ZNF148: variants seen among roughly 807,000 people sequenced by gnomAD.
ZNF148 encodes the protein zinc finger protein 148.
A neutral mutation model predicts 67.7 loss-of-function variants in ZNF148; 7 were observed. The observed-to-expected ratio is 0.10, with a 90% CI of 0.06 to 0.19. The LOEUF (loss-of-function observed/expected upper bound fraction) is 0.19. ZNF148 is among the 10% of genes least tolerant of loss of function. The pLI, the probability that ZNF148 is intolerant of heterozygous loss-of-function variation, is 1.00. For missense variants in ZNF148, 583 were observed against 947.1 expected (o/e 0.62, Z 5.05); for synonymous variants, 333 against 330.7 (o/e 1.01, Z -0.08).
chr3:125,305,532 C>T (rs1478614968), intron 4 of ZNF148, among the ~76,000 whole-genome samples: 3 of 152,146 alleles, frequency 2.0e-5, no homozygotes, highest in Middle Eastern at 3.4e-3. Context: ...CAATTAGTGG[C>T]CGGGCGTTGT....
intron 1 of ZNF148, among the ~76,000 whole-genome samples, chr3:125,336,796 C>T (rs1294444220): frequency 2.0e-5 from 3 of 150,684 alleles, no homozygotes; most frequent in Admixed American, 1.3e-4. Context: ...CCTGCCTCAG[C>T]CTCCCACATA....
At chr3:125,250,669 T>C (rs1407203088) in intron 7 of ZNF148, among the ~76,000 whole-genome samples, 1 of 152,226 alleles carries the variant, frequency 6.6e-6, no homozygotes, top group Non-Finnish European at 1.5e-5. Context: ...ATGACAGCAG[T>C]TGGAATAAGT....
intron 7 of ZNF148, among the ~76,000 whole-genome samples, chr3:125,239,539 A>G (rs1258714348): frequency 6.6e-6 from 1 of 152,186 alleles, no homozygotes; most frequent in Non-Finnish European, 1.5e-5. Context: ...GCATGGATGT[A>G]GAGAATTGAA....
intron 4 of ZNF148, among the ~76,000 whole-genome samples, chr3:125,304,729 T>C (rs1455544584): frequency 6.6e-6 from 1 of 152,136 alleles, no homozygotes; most frequent in Non-Finnish European, 1.5e-5. Context: ...ATTATATACA[T>C]ACATACATTC....
At chr3:125,256,370 A>C (rs1445741306) in intron 7 of ZNF148, among the ~76,000 whole-genome samples, 12 of 8,730 alleles carry the variant, frequency 1.4e-3, no homozygotes, top group African/African-American at 6.7e-3. Flanking sequence ...TCCATTTCCC[A>C]AAAAAAAAAA....
chr3:125,368,864 G>C (rs1204772128), intron 1 of ZNF148, among the ~76,000 whole-genome samples: 1 of 151,956 alleles, frequency 6.6e-6, no homozygotes, highest in African/African-American at 2.4e-5. Context: ...AGAATCGCTT[G>C]AACCTGGGAG....
intron 1 of ZNF148, 112 bp from the exon 2 acceptor site, chr3:125,331,350 C>A (rs1056704084): frequency 2.5e-6 from 1 of 396,020 alleles, no homozygotes. Flanking sequence ...TACCAAAATT[C>A]TTTCCATGGT....
chr3:125,265,340 G>A (rs1160490404), intron 7 of ZNF148, among the ~76,000 whole-genome samples: 6 of 152,108 alleles, frequency 3.9e-5, no homozygotes, highest in East Asian at 1.9e-4. Flanking sequence ...GCCTGGCATC[G>A]CATCTCCTTA....
At chr3:125,246,081 C>G (rs1279531931) in intron 7 of ZNF148, among the ~76,000 whole-genome samples, 1 of 152,118 alleles carries the variant, frequency 6.6e-6, no homozygotes, top group Admixed American at 6.5e-5. Context: ...TACAAAACTT[C>G]CCCAAATCAA....
At position 125,338,532 on chromosome 3, in the gene ZNF148, C is replaced by T. The variant is rs147298929; in HGVS notation, c.-233-7294G>A. On this transcript the variant is annotated intron_variant, in intron 1 of 8. Transcript: ENST00000360647. ...GTAATTAGCCAGGCATGGTGGTACACGCCTGTAATCCCAGCTACTTGGAAG... is the reference window on the plus strand; with the variant it reads ...GTAATTAGCCAGGCATGGTGGTACATGCCTGTAATCCCAGCTACTTGGAAG... Among the ~76,000 whole-genome samples the T allele has an allele frequency of 6.7e-4, 101 of 151,870 alleles. 1 individual carries two copies. The East Asian group carries it at 0.018, about 27-fold the overall frequency.
chr3:125,263,807 T>C (rs1038879942), intron 7 of ZNF148, among the ~76,000 whole-genome samples: 2 of 54,338 alleles, frequency 3.7e-5, no homozygotes, highest in Non-Finnish European at 7.2e-5. Flanking sequence ...TTCGTTCTAA[T>C]GAGGCGATCT....
intron 4 of ZNF148, among the ~76,000 whole-genome samples, chr3:125,301,833 G>A (rs1307899624): frequency 1.3e-5 from 2 of 152,166 alleles, no homozygotes; most frequent in Admixed American, 6.5e-5. Flanking sequence ...GGAGGCCGAG[G>A]TGGGTGGATC....
chr3:125,347,412 A>G (rs927880760), intron 1 of ZNF148, among the ~76,000 whole-genome samples: 1 of 152,224 alleles, frequency 6.6e-6, no homozygotes, highest in Non-Finnish European at 1.5e-5. Flanking sequence ...AAGTTAAAGG[A>G]TGCATACATT....
chr3:125,270,190 GTA>G (rs1937656047), intron 7 of ZNF148, among the ~76,000 whole-genome samples: 1 of 152,024 alleles, frequency 6.6e-6, no homozygotes, highest in African/African-American at 2.4e-5. Flanking sequence ...AGTAAACTGA[GTA>G]TATTTTCTGG....
intron 1 of ZNF148, among the ~76,000 whole-genome samples, chr3:125,351,431 G>GT (rs922948218): frequency 5.1e-5 from 7 of 138,032 alleles, no homozygotes; most frequent in Non-Finnish European, 1.1e-4. Flanking sequence ...AATGGGTATT[G>GT]TTTAAGCTAT....
intron 7 of ZNF148, among the ~76,000 whole-genome samples, chr3:125,265,339 C>G (rs1214941269): frequency 6.6e-6 from 1 of 152,226 alleles, no homozygotes; most frequent in African/African-American, 2.4e-5. Context: ...TGCCTGGCAT[C>G]GCATCTCCTT....
At chr3:125,240,782 CA>C (rs1335526311) in intron 7 of ZNF148, among the ~76,000 whole-genome samples, 4 of 148,066 alleles carry the variant, frequency 2.7e-5, no homozygotes, top group African/African-American at 5.1e-5. Flanking sequence ...AAAAAAAAAC[CA>C]AAAACCAAAA....
chr3:125,231,583 ATATC>A lies in ZNF148; in HGVS notation c.*754_*757del. The A allele has an allele frequency of 6.6e-6, 1 of 152,668 alleles. No individual in the cohort carries two copies. The highest frequency in any genetic ancestry group is 1.9e-4 in the East Asian group (1 of 5,188). The allele number at this position is 152,668 out of a possible 1,614,324, so 9.5% of individuals were successfully genotyped here. A position where few individuals can be genotyped will look rare whatever the true frequency, so the allele number is the denominator to read the frequency against. On this transcript the variant is annotated 3_prime_UTR_variant, in exon 9 of 9. Transcript: ENST00000360647. ...ACCTGCACATGAAAAATCATAAAAAATATCTAAGTACAACTGTACAAAGAAACTG... is the reference window on the plus strand; with the variant it reads ...ACCTGCACATGAAAAATCATAAAAAATAAGTACAACTGTACAAAGAAACTG...
At chr3:125,317,411 C>T (rs1343766017) in intron 3 of ZNF148, among the ~76,000 whole-genome samples, 1 of 152,010 alleles carries the variant, frequency 6.6e-6, no homozygotes. Context: ...TATTCATAGA[C>T]ATTCACCAAA....
Sources: gnomAD v4.1 joint callset for allele counts (sites outside exome capture counted in the v4.1 genomes callset) on GRCh38, gnomAD v4.1.1 for gene constraint, MANE v1.5 for transcripts, NCBI Gene and HGNC (gene_info 2026-07-23, HGNC 2026-07-21) for gene names.